Variants in HDGFL2 observed in about 807,000 individuals in gnomAD.
The protein encoded by HDGFL2 is HDGF like 2.
HDGFL2 carries 36 observed loss-of-function variants against 77.1 expected under a neutral mutation model. The ratio of observed to expected loss-of-function variants is 0.47; its 90% CI spans 0.36 to 0.62. The LOEUF (loss-of-function observed/expected upper bound fraction) is 0.62, where lower values mean the gene tolerates loss of function less well. HDGFL2 is among the 20% of genes least tolerant of loss of function. The probability of loss-of-function intolerance (pLI) is 0.00; values close to 1 mark genes in which losing one functional copy is unlikely to be tolerated. For synonymous variants in HDGFL2, 463 were observed against 413.1 expected (o/e 1.12, Z -1.46); for missense variants, 976 against 973.4 (o/e 1.00, Z -0.04).
chr19:4,494,342 G>A lies in HDGFL2; in HGVS notation c.1091G>A (p.Arg364Gln), dbSNP rs1380680027. 3 of 1,409,776 alleles carry A rather than the reference G, an allele frequency of 2.1e-6. No homozygotes were observed. The highest frequency in any genetic ancestry group is 2.8e-6 in the Non-Finnish European group (3 of 1,086,144). The allele number at this position is 1,409,776 out of a possible 1,614,324, so 87.3% of individuals were successfully genotyped here. ...RERADRGEAE[R>Q]GSGGSSGDEL... ...CGGGCCGACCGCGGGGAGGCTGAGC[G>A]GGGCAGCGGCGGCAGCAGCGGGGAC... is the stretch of plus-strand genomic sequence containing the variant. Residue 364 changes from arginine to glutamine, a missense_variant, in exon 9 of 16, where the codon CGG becomes CAG. Coordinates refer to ENST00000616600, the MANE Select transcript of HDGFL2 (RefSeq NM_001001520.3).
At chr19:4,485,308 AG>A (rs1284362338) in intron 3 of HDGFL2, among the ~76,000 whole-genome samples, 4 of 152,168 alleles carry the variant, frequency 2.6e-5, no homozygotes, top group African/African-American at 9.6e-5. Flanking sequence ...GGCATCCTCA[AG>A]GTTCATCCAT....
rs1475321397 is a variant in HDGFL2, at chr19:4,499,606, C to G, written c.1691C>G (p.Ala564Gly). 6.2e-7 allele frequency: 1 copy of G among 1,607,862 alleles called. No homozygotes were observed. The highest frequency in any genetic ancestry group is 1.7e-5 in the Admixed American group (1 of 58,908). ...KIEAVQKVNK[A>G]GMEKEKAEEK... ...GAGGCGGTGCAGAAAGTGAACAAGG[C>G]TGGGATGGAGAAGGAGAAGGCCGAG... The change falls in exon 14 of 16, where the codon GCT becomes GGT. Residue 564 changes from alanine (A) to glycine (G), a missense_variant. This residue lies in a region of HDGFL2 where 229 missense variants were observed against 187.3 expected (regional missense o/e 1.22). Transcript: ENST00000616600.
chr19:4,488,952 C>A, intron 4 of HDGFL2, 76 bp downstream of exon 4: 2 of 707,034 alleles, frequency 2.8e-6, no homozygotes, highest in East Asian at 3.0e-5. Flanking sequence ...CTCTCCTGCC[C>A]TTTTTTTTTT....
chr19:4,476,894 G>C (rs1975087093), intron 3 of HDGFL2, among the ~76,000 whole-genome samples: 1 of 151,922 alleles, frequency 6.6e-6, no homozygotes, highest in African/African-American at 2.4e-5. Flanking sequence ...GTGACAGGCT[G>C]GGGGCCGGGG....
intron 10 of HDGFL2, 29 bp downstream of exon 10, chr19:4,496,434 TG>T: frequency 6.5e-7 from 1 of 1,550,360 alleles, no homozygotes; most frequent in Non-Finnish European, 8.9e-7. Context: ...CTCCACACCC[TG>T]GGGGCCCCGC....
intron 6 of HDGFL2, among the ~76,000 whole-genome samples, chr19:4,492,308 T>C (rs1599716098): frequency 1.3e-5 from 2 of 150,514 alleles, no homozygotes; most frequent in South Asian, 4.2e-4. Flanking sequence ...TGTGCATGTG[T>C]GATGTGTGTG....
chr19:4,491,959 G>T, intron 6 of HDGFL2, 124 bp downstream of exon 6: 2 of 848,438 alleles, frequency 2.4e-6, no homozygotes, highest in Non-Finnish European at 3.7e-6. Flanking sequence ...CAGGGTACCC[G>T]AGGGGACCGC....
In HDGFL2 at chr19:4,502,037, G is replaced by A. The variant is rs1046984799; in HGVS notation, c.*27G>A. The A allele has an allele frequency of 8.7e-6, 13 of 1,497,504 alleles. No individual in the cohort carries two copies. In the African/African-American group the frequency reaches 1.4e-4, roughly 16 times the overall value. The allele number at this position is 1,497,504 out of a possible 1,614,324, so 92.8% of individuals were successfully genotyped here. ...CCGCGGGCAGCCAGGCCCAGCCCCC[G>A]CCCGAGCTCAGGCTGCCCCTCTCCT... On this transcript the variant is annotated 3_prime_UTR_variant, in exon 16 of 16. Coordinates refer to ENST00000616600, the MANE Select transcript of HDGFL2 (RefSeq NM_001001520.3).
At chr19:4,492,714 GGTGTGTGGT>G (rs1280998074) in intron 6 of HDGFL2, among the ~76,000 whole-genome samples, 3 of 143,956 alleles carry the variant, frequency 2.1e-5, no homozygotes, top group South Asian at 2.2e-4. Flanking sequence ...GTCTGTGTGT[GGTGTGTGGT>G]GTGTGTGGTG....
intron 13 of HDGFL2, 85 bp from the exon 14 acceptor site, chr19:4,499,406 G>A: frequency 8.2e-7 from 1 of 1,219,070 alleles, no homozygotes; most frequent in Non-Finnish European, 1.2e-6. Flanking sequence ...GCTGCGGGAG[G>A]GGCGCATTGC....
chr19:4,490,144 A>G (rs188540548), intron 4 of HDGFL2, among the ~76,000 whole-genome samples: 2 of 152,134 alleles, frequency 1.3e-5, no homozygotes, highest in Middle Eastern at 3.4e-3. Context: ...CTGGAGTGCA[A>G]TGGCATGATC....
At chr19:4,482,326 C>T (rs1257452014) in intron 3 of HDGFL2, among the ~76,000 whole-genome samples, 3 of 151,998 alleles carry the variant, frequency 2.0e-5, no homozygotes, top group East Asian at 3.9e-4. Flanking sequence ...TCTCCTGTCT[C>T]AGCCTCCCAA....
At position 4,493,804 on chromosome 19, in the gene HDGFL2, C is replaced by T. The variant is rs1975618039; in HGVS notation, c.780C>T (p.Ser260=). ...MARSASSSSS[S]SSSSDSDVSV... ...GGTCGGCGTCCTCCTCCTCCTCTTC[C>T]TCCTCCTCCTCCGACTCCGATGTGT... Residue 260 remains serine (S), a synonymous_variant, in exon 7 of 16, where the codon TCC becomes TCT. Transcript: ENST00000616600. The T allele has an allele frequency of 1.3e-6, 2 of 1,481,888 alleles. No individual in the cohort carries two copies. Among genetic ancestry groups the T allele is most frequent in the Non-Finnish European group, 1.8e-6 (2 of 1,101,600 alleles). The allele number at this position is 1,481,888 out of a possible 1,614,324, so 91.8% of individuals were successfully genotyped here. A position where few individuals can be genotyped will look rare whatever the true frequency, so the allele number is the denominator to read the frequency against.
intron 3 of HDGFL2, among the ~76,000 whole-genome samples, chr19:4,482,720 T>C (rs1017316946): frequency 3.3e-5 from 5 of 152,346 alleles, no homozygotes; most frequent in Admixed American, 3.3e-4. Flanking sequence ...AGATCTGCAG[T>C]TACTCGCTGT....
chr19:4,490,804 TC>T (rs1254947639), intron 4 of HDGFL2, among the ~76,000 whole-genome samples: 2 of 105,114 alleles, frequency 1.9e-5, no homozygotes, highest in African/African-American at 4.2e-5. Flanking sequence ...TTCTTTTTTT[TC>T]TCTTTTTTTT....
In HDGFL2 at chr19:4,484,657, G is replaced by A. The variant is rs572161060; in HGVS notation, c.289-4019G>A. Among the ~76,000 whole-genome samples, 436 of 109,340 alleles carry A rather than the reference G, an allele frequency of 4.0e-3. 1 individual carries two copies. Among genetic ancestry groups the A allele is most frequent in the Non-Finnish European group, 6.7e-3 (370 of 55,176 alleles). 71.7% of individuals were successfully genotyped at this position (109,340 alleles called of 152,430 possible). Reference sequence around the variant, plus strand: ...TGGGACTACAGGCACCCGCCATCACGCCTGGCTAATTTTTTTTTTTTTTTT... The same window carrying A: ...TGGGACTACAGGCACCCGCCATCACACCTGGCTAATTTTTTTTTTTTTTTT... On this transcript the variant is annotated intron_variant, in intron 3 of 15. Transcript: ENST00000616600.
Position 4,497,550 on chromosome 19 carries a change from C to T in HDGFL2, c.1329-408C>T, listed in dbSNP as rs569304315. The T allele has an allele frequency of 6.7e-5, 20 of 299,254 alleles. 1 individual carries two copies. The highest frequency in any genetic ancestry group is 5.1e-4 in the South Asian group (16 of 31,618). 18.5% of individuals were successfully genotyped at this position (299,254 alleles called of 1,614,324 possible). On this transcript the variant is annotated intron_variant, in intron 10 of 15. Coordinates refer to ENST00000616600, the MANE Select transcript of HDGFL2 (RefSeq NM_001001520.3). ...GTGGGCAAACCTGCCCATGAGAATTCGGCAGGCCGGTATGGCAGTGGCGGG... is the reference window on the plus strand; with the variant it reads ...GTGGGCAAACCTGCCCATGAGAATTTGGCAGGCCGGTATGGCAGTGGCGGG...
intron 13 of HDGFL2, 56 bp downstream of exon 13, chr19:4,498,971 C>T: frequency 7.8e-7 from 1 of 1,282,038 alleles, no homozygotes; most frequent in East Asian, 2.5e-5. Context: ...GGAGCAAGTG[C>T]CTGCCCGGGA....
In HDGFL2 at chr19:4,494,328, C is replaced by T. The variant is rs903749032; in HGVS notation, c.1077C>T (p.Arg359=). 7.0e-7 allele frequency: 1 copy of T among 1,418,542 alleles called. No individual in the cohort carries two copies. 87.9% of individuals were successfully genotyped at this position (1,418,542 alleles called of 1,614,324 possible). A position where few individuals can be genotyped will look rare whatever the true frequency, so the allele number is the denominator to read the frequency against. The change falls in exon 9 of 16, where the codon CGC becomes CGT. Residue 359 remains arginine, a synonymous_variant. Transcript: ENST00000616600. ...AGCGGAGGCGCGAGCGGGCCGACCGCGGGGAGGCTGAGCGGGGCAGCGGCG... is the reference window on the plus strand; with the variant it reads ...AGCGGAGGCGCGAGCGGGCCGACCGTGGGGAGGCTGAGCGGGGCAGCGGCG... ...EKERRRERAD[R]GEAERGSGGS...
Sources: allele counts gnomAD v4.1 joint callset (sites outside exome capture counted in the v4.1 genomes callset), GRCh38; gene constraint gnomAD v4.1.1; regional missense constraint gnomAD v4.1.1; transcripts MANE v1.5; gene names NCBI Gene and HGNC (gene_info 2026-07-23, HGNC 2026-07-21).